Variants in ROR1 observed in about 807,000 individuals in gnomAD.
ROR1 encodes ROR family WNT receptor 1.
In ROR1, 19 loss-of-function variants were observed where a neutral mutation model predicts 78.8. The observed-to-expected ratio is 0.24, with a 90% CI of 0.17 to 0.35. The LOEUF (loss-of-function observed/expected upper bound fraction) is 0.35. Ranked by LOEUF, ROR1 falls within the 10% of genes least tolerant of loss-of-function variation. ROR1 has a pLI of 1.00. For synonymous variants in ROR1, 386 were observed against 433.6 expected, an observed-to-expected ratio of 0.89 and a Z score of 1.36; for missense variants, 917 against 1,177.8, an observed-to-expected ratio of 0.78 and a Z score of 3.24.
chr1:63,969,505 G>A (rs775068483), intron 1 of ROR1, among the ~76,000 whole-genome samples: 15 of 152,092 alleles, frequency 9.9e-5, no homozygotes, highest in Non-Finnish European at 1.6e-4. Flanking sequence ...CCCCTTGGCA[G>A]TCTAACAACT....
At chr1:63,891,680 A>T (rs1471513376) in intron 1 of ROR1, among the ~76,000 whole-genome samples, 2 of 152,152 alleles carry the variant, frequency 1.3e-5, no homozygotes, top group African/African-American at 4.8e-5. Context: ...TCCAATCTGC[A>T]GAGGGCCCGG....
At chr1:64,030,258 G>A (rs1044310320) in intron 2 of ROR1, among the ~76,000 whole-genome samples, 26 of 152,134 alleles carry the variant, frequency 1.7e-4, no homozygotes, top group Admixed American at 1.3e-3. Context: ...TCCAAGTGTT[G>A]GAAGTGATGC....
In ROR1 at chr1:64,142,642, C is replaced by T; in HGVS notation, c.1166C>T (p.Pro389Leu). 11 of 1,614,030 alleles carry T rather than the reference C, an allele frequency of 6.8e-6. No individual in the cohort carries two copies. Among genetic ancestry groups the T allele is most frequent in the Non-Finnish European group, 9.3e-6 (11 of 1,179,976 alleles). The change falls in exon 7 of 9, where the codon CCA becomes CTA. Residue 389 changes from proline to leucine, a missense_variant. Around this residue, in one of 3 missense-constraint regions of ROR1, gnomAD observed 835 missense variants for 1,069.8 expected, o/e 0.78. Coordinates refer to ENST00000371079, the MANE Select transcript of ROR1 (RefSeq NM_005012.4). ...TTTAAGTCTGATCTGTGTGACATCCCAGCGTGCGGTAAATAGAAGTCATTG... is the reference window on the plus strand; with the variant it reads ...TTTAAGTCTGATCTGTGTGACATCCTAGCGTGCGGTAAATAGAAGTCATTG... ...ENFKSDLCDI[P>L]ACDSKDSKEK...
chr1:63,921,101 C>T (rs1293948818), intron 1 of ROR1, among the ~76,000 whole-genome samples: 2 of 152,162 alleles, frequency 1.3e-5, no homozygotes, highest in African/African-American at 2.4e-5. Context: ...TTACTGTGTG[C>T]CAGACACCAT....
chr1:64,102,682 A>T (rs1164624112), intron 4 of ROR1, among the ~76,000 whole-genome samples: 1 of 152,216 alleles, frequency 6.6e-6, no homozygotes, highest in African/African-American at 2.4e-5. Flanking sequence ...AAGCCAGACA[A>T]GTAGGGTTTG....
At chr1:63,850,094 G>C (rs1033303192) in intron 1 of ROR1, among the ~76,000 whole-genome samples, 8 of 152,138 alleles carry the variant, frequency 5.3e-5, no homozygotes, top group African/African-American at 1.9e-4. Context: ...TAAAAATAGT[G>C]CTTTGCCTAT....
chr1:63,780,972 G>GTGC (rs1185158499), intron 1 of ROR1, among the ~76,000 whole-genome samples: 2 of 152,138 alleles, frequency 1.3e-5, no homozygotes, highest in Non-Finnish European at 2.9e-5. Context: ...GGATCCTGAG[G>GTGC]TGCTCTGTTT....
At chr1:63,833,246 C>T (rs1039709414) in intron 1 of ROR1, among the ~76,000 whole-genome samples, 1 of 152,082 alleles carries the variant, frequency 6.6e-6, no homozygotes, top group Non-Finnish European at 1.5e-5. Flanking sequence ...GGCAGGGATC[C>T]CTAGTTACAA....
intron 4 of ROR1, among the ~76,000 whole-genome samples, chr1:64,072,383 G>A (rs1343103435): frequency 6.6e-6 from 1 of 152,110 alleles, no homozygotes; most frequent in Non-Finnish European, 1.5e-5. Flanking sequence ...CTGGTGCAGG[G>A]ACCCAAATAA....
At chr1:64,099,466 C>T (rs182477735) in intron 4 of ROR1, among the ~76,000 whole-genome samples, 2 of 152,148 alleles carry the variant, frequency 1.3e-5, no homozygotes, top group East Asian at 1.9e-4. Flanking sequence ...CAAAAGTCAT[C>T]GGAGCATCTG....
At chr1:64,040,939 G>C (rs1646741293) in intron 2 of ROR1, among the ~76,000 whole-genome samples, 2 of 152,152 alleles carry the variant, frequency 1.3e-5, no homozygotes, top group African/African-American at 4.8e-5. Context: ...ACCTGCTCCT[G>C]GGGTAAAAAT....
chr1:63,801,469 A>G (rs1644796984), intron 1 of ROR1, among the ~76,000 whole-genome samples: 1 of 151,904 alleles, frequency 6.6e-6, no homozygotes, highest in Non-Finnish European at 1.5e-5. Flanking sequence ...TAATTTTTGT[A>G]TTTTTAGTAA....
At chr1:63,959,722 G>A (rs1646012935) in intron 1 of ROR1, among the ~76,000 whole-genome samples, 1 of 152,160 alleles carries the variant, frequency 6.6e-6, no homozygotes. Flanking sequence ...CATGAGCTAA[G>A]GAGCTAGGAT....
At chr1:63,908,657 T>C (rs1341565386) in intron 1 of ROR1, among the ~76,000 whole-genome samples, 1 of 152,222 alleles carries the variant, frequency 6.6e-6, no homozygotes, top group African/African-American at 2.4e-5. Context: ...GTATGGGATC[T>C]AGATTTTGCA....
chr1:63,775,986 C>T (rs768007286), intron 1 of ROR1, among the ~76,000 whole-genome samples: 22 of 152,216 alleles, frequency 1.4e-4, no homozygotes, highest in Non-Finnish European at 2.5e-4. Flanking sequence ...TCTGGCCTTG[C>T]GCCACAACAC....
chr1:63,923,388 A>G (rs751815300), intron 1 of ROR1, among the ~76,000 whole-genome samples: 3 of 151,998 alleles, frequency 2.0e-5, no homozygotes, highest in Non-Finnish European at 4.4e-5. Flanking sequence ...TAAGGATAGT[A>G]CTCCGTTCTC....
At chr1:64,032,431 T>C (rs1646669296) in intron 2 of ROR1, among the ~76,000 whole-genome samples, 1 of 151,874 alleles carries the variant, frequency 6.6e-6, no homozygotes, top group African/African-American at 2.4e-5. Context: ...TTTTGCAGTG[T>C]CTTGCAAGGA....
At chr1:63,911,096 T>A (rs2100416554) in intron 1 of ROR1, among the ~76,000 whole-genome samples, 1 of 152,224 alleles carries the variant, frequency 6.6e-6, no homozygotes, top group Non-Finnish European at 1.5e-5. Context: ...ACTTTGAACC[T>A]CTCCTTTGCC....
intron 4 of ROR1, among the ~76,000 whole-genome samples, chr1:64,101,433 A>G (rs941878971): frequency 1.3e-5 from 2 of 152,174 alleles, no homozygotes; most frequent in Non-Finnish European, 1.5e-5. Context: ...AATGCACTAA[A>G]TAACCCATCA....
Sources: gnomAD v4.1 joint callset for allele counts (sites outside exome capture counted in the v4.1 genomes callset) on GRCh38, gnomAD v4.1.1 for gene constraint, gnomAD v4.1.1 regional missense constraint, MANE v1.5 for transcripts, NCBI Gene and HGNC (gene_info 2026-07-23, HGNC 2026-07-21) for gene names.